The following SUFU variants were observed in gnomAD, a reference collection of about 807,000 sequenced individuals.
SUFU encodes the protein SUFU negative regulator of hedgehog signaling.
A neutral mutation model predicts 58.9 loss-of-function variants in SUFU; 7 were observed. The ratio of observed to expected loss-of-function variants is 0.12; its 90% CI spans 0.07 to 0.22. SUFU has a LOEUF of 0.22. SUFU is among the 10% of genes least tolerant of loss of function. The pLI, the probability that SUFU is intolerant of heterozygous loss-of-function variation, is 1.00. For missense variants in SUFU, 451 were observed against 641.3 expected (o/e 0.70, Z 3.20); for synonymous variants, 232 against 254.8 (o/e 0.91, Z 0.85).
intron 2 of SUFU, among the ~76,000 whole-genome samples, chr10:102,546,515 GGA>G (rs1253305568): frequency 3.9e-5 from 6 of 152,166 alleles, no homozygotes; most frequent in Admixed American, 6.5e-5. Context: ...TTCCTTTCTT[GGA>G]AGATGTGAGA....
intron 2 of SUFU, among the ~76,000 whole-genome samples, chr10:102,533,620 C>G (rs2062702218): frequency 6.6e-6 from 1 of 152,044 alleles, no homozygotes; most frequent in Non-Finnish European, 1.5e-5. Flanking sequence ...CTTGCTGTTT[C>G]CAGCTTCTAG....
In SUFU at chr10:102,633,331, G is replaced by T. The variant is rs934621403; in HGVS notation, c.*3176G>T. ...AGTTTTTAATGTCAGTGGCGACTCG[G>T]TTCCTGGGGCTGCAGCCAGCCTGGG... is the stretch of plus-strand genomic sequence containing the variant. On this transcript the variant is annotated 3_prime_UTR_variant, in exon 12 of 12. Coordinates refer to ENST00000369902, the MANE Select transcript of SUFU (RefSeq NM_016169.4). 5 of 233,346 alleles carry T rather than the reference G, an allele frequency of 2.1e-5. No homozygotes were observed. Among genetic ancestry groups the T allele is most frequent in the Non-Finnish European group, 4.2e-5 (5 of 117,820 alleles). 14.5% of individuals were successfully genotyped at this position (233,346 alleles called of 1,614,324 possible). A position where few individuals can be genotyped will look rare whatever the true frequency, so the allele number is the denominator to read the frequency against.
At chr10:102,514,066 T>C (rs2062434210) in intron 2 of SUFU, among the ~76,000 whole-genome samples, 1 of 151,680 alleles carries the variant, frequency 6.6e-6, no homozygotes, top group Non-Finnish European at 1.5e-5. Context: ...TTTTTTTTTA[T>C]TGTTGACACG....
chr10:102,543,383 G>T (rs1233387209), intron 2 of SUFU, among the ~76,000 whole-genome samples: 1 of 151,966 alleles, frequency 6.6e-6, no homozygotes, highest in Non-Finnish European at 1.5e-5. Flanking sequence ...TCAGGTTTTT[G>T]AGTTTTTTCC....
intron 2 of SUFU, among the ~76,000 whole-genome samples, chr10:102,519,650 T>G (rs1235030628): frequency 6.6e-6 from 1 of 152,194 alleles, no homozygotes; most frequent in East Asian, 1.9e-4. Context: ...CCCATGGTCA[T>G]GCTGCTGCTT....
intron 3 of SUFU, among the ~76,000 whole-genome samples, chr10:102,581,328 G>T (rs2063277688): frequency 6.6e-6 from 1 of 152,010 alleles, no homozygotes; most frequent in Admixed American, 6.6e-5. Context: ...CTGGGCAGAA[G>T]CCAACAGGAC....
rs546345171 is a variant in SUFU, at chr10:102,512,123, T to C, written c.317+2820T>C. On this transcript the variant is annotated intron_variant, in intron 2 of 11. Coordinates refer to ENST00000369902, the MANE Select transcript of SUFU (RefSeq NM_016169.4). ...AGAGGCCCAGGTTTCATCTCTTCGC[T>C]GGTCACGTGTTGGGAGCAATGTCTG... is the stretch of plus-strand genomic sequence containing the variant. Among the ~76,000 whole-genome samples, 21 of 152,308 alleles carry C rather than the reference T, an allele frequency of 1.4e-4. No homozygotes were observed. The South Asian group carries it at 4.3e-3, about 32-fold the overall frequency.
rs182400601 is a variant in SUFU at position 102,561,090 on chromosome 10, G to A, written c.454+10984G>A. ...ACTCCTGACCTCAGGTGATCCGCCC[G>A]CCTTGGCCTCCCAAAGTGCTGGGAT... On this transcript the variant is annotated intron_variant, in intron 3 of 11. Transcript: ENST00000369902. Among the ~76,000 whole-genome samples, 10 of 152,308 alleles carry A rather than the reference G, an allele frequency of 6.6e-5. No individual in the cohort carries two copies. In the East Asian group the frequency reaches 9.6e-4, roughly 15 times the overall value.
chr10:102,599,933 G>A (rs2063501239), intron 8 of SUFU, among the ~76,000 whole-genome samples: 1 of 152,098 alleles, frequency 6.6e-6, no homozygotes, highest in South Asian at 2.1e-4. Context: ...CTGGTCTCCG[G>A]CTGATAGCTG....
At chr10:102,596,774 T>C (rs1413572501) in intron 6 of SUFU, among the ~76,000 whole-genome samples, 1 of 152,156 alleles carries the variant, frequency 6.6e-6, no homozygotes, top group Non-Finnish European at 1.5e-5. Context: ...CTCAGAGAAG[T>C]AGGCTCTCTC....
intron 2 of SUFU, among the ~76,000 whole-genome samples, chr10:102,514,482 A>C (rs1033387222): frequency 6.6e-6 from 1 of 152,252 alleles, no homozygotes; most frequent in African/African-American, 2.4e-5. Flanking sequence ...AAGATTCTTA[A>C]GAAGCCATTT....
Position 102,588,342 on chromosome 10 carries a change from G to A in SUFU, c.455-4240G>A, listed in dbSNP as rs954107008. On this transcript the variant is annotated intron_variant, in intron 3 of 11. Transcript: ENST00000369902. ...TGGGAGGTGGAGTTGGCAGTGAGCC[G>A]AGATCGTGCCACTACACTCCAGCCT... 6.0e-5 allele frequency among the ~76,000 whole-genome samples: 9 copies of A among 149,556 alleles called. No individual in the cohort carries two copies. In the Admixed American group the frequency reaches 6.0e-4, roughly 10 times the overall value.
At chr10:102,588,134 C>T (rs531398068) in intron 3 of SUFU, among the ~76,000 whole-genome samples, 3 of 152,174 alleles carry the variant, frequency 2.0e-5, no homozygotes, top group South Asian at 4.2e-4. Flanking sequence ...CAGTGGCTCA[C>T]GCCTGTAATC....
At chr10:102,597,974 T>C (rs1210548781) in intron 7 of SUFU, among the ~76,000 whole-genome samples, 1 of 152,244 alleles carries the variant, frequency 6.6e-6, no homozygotes, top group Non-Finnish European at 1.5e-5. Flanking sequence ...CACTTACATA[T>C]ACATGTGTTG....
intron 3 of SUFU, among the ~76,000 whole-genome samples, chr10:102,555,269 C>CAA (rs57658645): frequency 4.4e-4 from 34 of 78,078 alleles, no homozygotes; most frequent in Non-Finnish European, 4.9e-4. Flanking sequence ...CTCCGTCTCA[C>CAA]AAAAAAAAAA....
chr10:102,541,857 C>T (rs2062804806), intron 2 of SUFU, among the ~76,000 whole-genome samples: 1 of 148,628 alleles, frequency 6.7e-6, no homozygotes, highest in African/African-American at 2.5e-5. Context: ...TGCAGGTGTA[C>T]ACCGCCATGC....
At chr10:102,534,284 C>T (rs561876100) in intron 2 of SUFU, among the ~76,000 whole-genome samples, 4 of 152,140 alleles carry the variant, frequency 2.6e-5, no homozygotes, top group African/African-American at 4.8e-5. Flanking sequence ...AAAAATAAGC[C>T]GGTGTGGTGG....
chr10:102,587,931 T>A (rs1444074517), intron 3 of SUFU, among the ~76,000 whole-genome samples: 1 of 152,262 alleles, frequency 6.6e-6, no homozygotes, highest in Non-Finnish European at 1.5e-5. Context: ...AAAAGTTTTA[T>A]AGTTTTAGCT....
intron 3 of SUFU, among the ~76,000 whole-genome samples, chr10:102,581,469 C>G (rs996810654): frequency 7.9e-5 from 12 of 152,184 alleles, no homozygotes; most frequent in Admixed American, 7.9e-4. Flanking sequence ...AGTTCTGCCC[C>G]CGTAAATATA....
Sources: allele counts gnomAD v4.1 joint callset (sites outside exome capture counted in the v4.1 genomes callset), GRCh38; gene constraint gnomAD v4.1.1; transcripts MANE v1.5; gene names NCBI Gene and HGNC (gene_info 2026-07-23, HGNC 2026-07-21).